Variants in CUL1 observed in about 807,000 individuals in gnomAD.
CUL1 encodes cullin 1, also known as cullin-1.
A neutral mutation model predicts 118.0 loss-of-function variants in CUL1; 24 were observed. The observed-to-expected ratio is 0.20, with a 90% CI of 0.15 to 0.29. CUL1 has a LOEUF of 0.29. CUL1 is among the 10% of genes least tolerant of loss of function. CUL1 has a pLI of 1.00. For missense variants in CUL1, 361 were observed against 933.8 expected, an observed-to-expected ratio of 0.39 and a Z score of 7.99; for synonymous variants, 332 against 340.4, an observed-to-expected ratio of 0.98 and a Z score of 0.27.
chr7:148,800,207 G>A lies in CUL1; in HGVS notation c.2251-295G>A, dbSNP rs1801339238. 6.6e-6 allele frequency among the ~76,000 whole-genome samples: 1 copy of A among 152,206 alleles called. No individual in the cohort carries two copies. Among genetic ancestry groups the A allele is most frequent in the Non-Finnish European group, 1.5e-5 (1 of 68,038 alleles). ...CTGCCGCAGAGGCAGGCAGATTTTG[G>A]TGGTAGAAAGGGAGACTGGCCCACG... On this transcript the variant is annotated intron_variant, in intron 21 of 21. Coordinates refer to ENST00000325222, the MANE Select transcript of CUL1 (RefSeq NM_003592.3). This position sits in a 1 kb window ranked among gnomAD's most constrained non-coding sequence, Gnocchi z 4.6.
At chr7:148,704,154 C>T (rs976054740) in intron 1 of CUL1, among the ~76,000 whole-genome samples, 10 of 130,550 alleles carry the variant, frequency 7.7e-5, no homozygotes, top group Admixed American at 3.7e-4. Context: ...CCAACAAAAG[C>T]GGCCCCCCCC....
At position 148,759,322 on chromosome 7, in the gene CUL1, A is replaced by G; in HGVS notation, c.502A>G (p.Arg168Gly). The G allele has an allele frequency of 6.2e-7, 1 of 1,614,014 alleles. No homozygotes were observed. Among genetic ancestry groups the G allele is most frequent in the Non-Finnish European group, 8.5e-7 (1 of 1,179,912 alleles). ...TCTCCAGCTTGCATTGGTGACTTGG[A>G]GAGACTGTCTGTTCAGGCCACTGAA... ...EIYSLALVTW[R>G]DCLFRPLNKQ... The change falls in exon 5 of 22, where the codon AGA (arginine) becomes GGA (glycine). Residue 168 changes from arginine to glycine, a missense_variant. Arg to Gly is a moderately radical substitution (Grantham distance 125, BLOSUM62 -2). Around this residue, in one of 7 missense-constraint regions of CUL1, gnomAD observed 169 missense variants for 429.7 expected, o/e 0.39. Coordinates refer to ENST00000325222, the MANE Select transcript of CUL1 (RefSeq NM_003592.3).
At chr7:148,769,031 C>T (rs901017256) in intron 9 of CUL1, among the ~76,000 whole-genome samples, 14 of 152,040 alleles carry the variant, frequency 9.2e-5, no homozygotes, top group Admixed American at 7.9e-4. Context: ...GTACAGAGTC[C>T]TCAGTGTCGG....
intron 2 of CUL1, among the ~76,000 whole-genome samples, chr7:148,746,687 C>T (rs1375696895): frequency 7.9e-5 from 12 of 151,984 alleles, no homozygotes; most frequent in Non-Finnish European, 1.2e-4. Flanking sequence ...TATCCACTTA[C>T]GAGAATGTTA....
At chr7:148,708,302 C>G (rs925423200) in intron 1 of CUL1, among the ~76,000 whole-genome samples, 1 of 152,198 alleles carries the variant, frequency 6.6e-6, no homozygotes, top group Non-Finnish European at 1.5e-5. Flanking sequence ...TTTTTGCTCC[C>G]TAGACCATAT....
chr7:148,761,222 T>C (rs1799815466), intron 7 of CUL1, among the ~76,000 whole-genome samples: 1 of 152,112 alleles, frequency 6.6e-6, no homozygotes, highest in Admixed American at 6.5e-5. Context: ...AATATAGATA[T>C]CCTGGCTGGG....
chr7:148,737,853 C>T (rs765707957), intron 2 of CUL1, among the ~76,000 whole-genome samples: 1 of 152,044 alleles, frequency 6.6e-6, no homozygotes, highest in Non-Finnish European at 1.5e-5. Flanking sequence ...TCACCTCGGC[C>T]TCCCAAAGTG....
chr7:148,704,631 A>G (rs1797826808), intron 1 of CUL1, among the ~76,000 whole-genome samples: 1 of 152,216 alleles, frequency 6.6e-6, no homozygotes, highest in Non-Finnish European at 1.5e-5. Flanking sequence ...ATAATACTGT[A>G]TTTAATGAAC....
chr7:148,713,964 C>T (rs966906649), intron 1 of CUL1, among the ~76,000 whole-genome samples: 2 of 152,176 alleles, frequency 1.3e-5, no homozygotes, highest in Non-Finnish European at 2.9e-5. Flanking sequence ...AGGTGATCCA[C>T]CTGCCTCGGC....
intron 7 of CUL1, among the ~76,000 whole-genome samples, chr7:148,766,050 G>A (rs571696123): frequency 1.2e-4 from 19 of 152,316 alleles, no homozygotes; most frequent in Middle Eastern, 3.4e-3. Flanking sequence ...ATGGAAATAC[G>A]TATTACAGAG....
In CUL1 at chr7:148,787,148, C is replaced by G. The variant is rs1179166521; in HGVS notation, c.1479+28C>G. The G allele has an allele frequency of 1.2e-6, 2 of 1,610,648 alleles. No homozygotes were observed. The highest frequency in any genetic ancestry group is 8.5e-7 in the Non-Finnish European group (1 of 1,178,170). On this transcript the variant is annotated intron_variant, in intron 13 of 21. Coordinates refer to ENST00000325222, the MANE Select transcript of CUL1 (RefSeq NM_003592.3). The surrounding 1 kb of genome is among the most constrained non-coding windows in gnomAD (Gnocchi z 5.5). Reference sequence around the variant, plus strand: ...GAGTTTCATCTTTTCCTGAAAAATCCCAGCTTCTGAGTCATTATTAAAACA... The same window carrying G: ...GAGTTTCATCTTTTCCTGAAAAATCGCAGCTTCTGAGTCATTATTAAAACA...
chr7:148,787,027 T>C lies in CUL1; in HGVS notation c.1386T>C (p.Phe462=), dbSNP rs757238188. 113 of 1,612,884 alleles carry C rather than the reference T, an allele frequency of 7.0e-5. No individual in the cohort carries two copies. Among genetic ancestry groups the C allele is most frequent in the Non-Finnish European group, 9.4e-5 (111 of 1,179,732 alleles). ...AGTACATAGAAGACAAAGACGTATTTCAGAAGTTCTATGCGAAGATGCTCG... is the reference window on the plus strand; with the variant it reads ...AGTACATAGAAGACAAAGACGTATTCCAGAAGTTCTATGCGAAGATGCTCG... ...VFKYIEDKDV[F]QKFYAKMLAK... The change falls in exon 13 of 22, where the codon TTT becomes TTC. Residue 462 remains phenylalanine (F), a synonymous_variant. Transcript: ENST00000325222. This position sits in a 1 kb window ranked among gnomAD's most constrained non-coding sequence, Gnocchi z 5.5.
chr7:148,743,157 T>C (rs1799199288), intron 2 of CUL1, among the ~76,000 whole-genome samples: 1 of 152,222 alleles, frequency 6.6e-6, no homozygotes, highest in African/African-American at 2.4e-5. Context: ...TCCTTTTAAA[T>C]GTATTGAAAC....
intron 17 of CUL1, among the ~76,000 whole-genome samples, 177 bp from the exon 18 acceptor site, chr7:148,797,635 G>A (rs1308053992): frequency 6.6e-6 from 1 of 151,184 alleles, no homozygotes; most frequent in Non-Finnish European, 1.5e-5. Flanking sequence ...GAAGGAAGCA[G>A]TAAATTTAGT....
intron 4 of CUL1, 109 bp downstream of exon 4, chr7:148,757,259 A>G: frequency 1.8e-6 from 1 of 553,522 alleles, no homozygotes. Flanking sequence ...CTTTTTTCAG[A>G]ATAGTAAACT....
chr7:148,716,781 C>T (rs760591068), intron 1 of CUL1, among the ~76,000 whole-genome samples: 14 of 152,258 alleles, frequency 9.2e-5, no homozygotes, highest in Admixed American at 2.0e-4. Flanking sequence ...TTCATCATTG[C>T]GCAGTGCTCT....
chr7:148,799,233 A>T, intron 20 of CUL1, 42 bp from the exon 21 acceptor site: 1 of 1,470,638 alleles, frequency 6.8e-7, no homozygotes, highest in Non-Finnish European at 9.5e-7. Flanking sequence ...CAACGTTGTT[A>T]CAGCTCTAAA....
At chr7:148,716,311 A>G (rs1798213087) in intron 1 of CUL1, among the ~76,000 whole-genome samples, 1 of 152,224 alleles carries the variant, frequency 6.6e-6, no homozygotes. Flanking sequence ...CAAGGTGTTG[A>G]TGAGCATAAA....
intron 1 of CUL1, among the ~76,000 whole-genome samples, chr7:148,728,880 A>T (rs1196348685): frequency 6.6e-6 from 1 of 152,234 alleles, no homozygotes; most frequent in African/African-American, 2.4e-5. Flanking sequence ...TTACTTGACA[A>T]GGTAACTGGG....
Sources: allele counts gnomAD v4.1 joint callset (sites outside exome capture counted in the v4.1 genomes callset), GRCh38; gene constraint gnomAD v4.1.1; regional missense constraint gnomAD v4.1.1; non-coding constraint Gnocchi (gnomAD v3.1); transcripts MANE v1.5; gene names NCBI Gene and HGNC (gene_info 2026-07-23, HGNC 2026-07-21).